The following SGPP1 variants were observed in gnomAD, a reference collection of about 807,000 sequenced individuals.
SGPP1 encodes sphingosine-1-phosphate phosphatase 1.
A neutral mutation model predicts 33.0 loss-of-function variants in SGPP1; 21 were observed. That is an observed-to-expected ratio of 0.64 (90% CI 0.45 to 0.92). The LOEUF is 0.92. Ranked by LOEUF, SGPP1 falls within the 40% of genes least tolerant of loss-of-function variation. The pLI is 0.00. For missense variants in SGPP1, 543 were observed against 589.4 expected (o/e 0.92, Z 0.81); for synonymous variants, 239 against 241.2 (o/e 0.99, Z 0.08).
At chr14:63,714,712 T>C (rs906765040) in intron 1 of SGPP1, among the ~76,000 whole-genome samples, 1 of 150,650 alleles carries the variant, frequency 6.6e-6, no homozygotes, top group Non-Finnish European at 1.5e-5. Context: ...TGTGCCACCA[T>C]GCCCAGCCTT....
chr14:63,691,975 GAAGA>G (rs1566817316), intron 2 of SGPP1, among the ~76,000 whole-genome samples: 2 of 151,774 alleles, frequency 1.3e-5, no homozygotes, highest in Non-Finnish European at 2.9e-5. Context: ...AAGAAGAAAG[GAAGA>G]AAGAAAAAGA....
chr14:63,686,352 G>A lies in SGPP1; in HGVS notation c.1079C>T (p.Thr360Ile). The A allele has an allele frequency of 6.2e-7, 1 of 1,614,048 alleles. No individual in the cohort carries two copies. Among genetic ancestry groups the A allele is most frequent in the East Asian group, 2.2e-5 (1 of 44,880 alleles). Residue 360 changes from threonine (T) to isoleucine (I), a missense_variant, in exon 3 of 3, where the codon ACT (threonine) becomes ATT (isoleucine). Physicochemically the swap from Thr to Ile is moderately conservative, Grantham distance 89 (BLOSUM62 -1). Coordinates refer to ENST00000247225, the MANE Select transcript of SGPP1 (RefSeq NM_030791.4). ...LPLAGPPITV[T>I]LFGKAILRIL... is the part of the protein sequence containing the mutation. Reference sequence around the variant, plus strand: ...CCGCAATATGGCTTTTCCAAACAGAGTCACAGTAATGGGGGGCCCAGCTAA... The same window carrying A: ...CCGCAATATGGCTTTTCCAAACAGAATCACAGTAATGGGGGGCCCAGCTAA...
At chr14:63,696,991 G>GA (rs937327953) in intron 2 of SGPP1, among the ~76,000 whole-genome samples, 5 of 151,602 alleles carry the variant, frequency 3.3e-5, no homozygotes, top group East Asian at 3.9e-4. Flanking sequence ...GTCTCAAAAA[G>GA]AAAAAAAAGT....
chr14:63,703,230 A>G (rs12878808), intron 1 of SGPP1, among the ~76,000 whole-genome samples: 1 of 152,164 alleles, frequency 6.6e-6, no homozygotes, highest in Non-Finnish European at 1.5e-5. Context: ...CCCTAAAATG[A>G]AAGTAAGAAA....
At position 63,698,748 on chromosome 14, in the gene SGPP1, A is replaced by C; in HGVS notation, c.685-90T>G. 2 of 645,490 alleles carry C rather than the reference A, an allele frequency of 3.1e-6. 1 individual carries two copies. The highest frequency in any genetic ancestry group is 7.1e-5 in the South Asian group (2 of 28,364). The allele number at this position is 645,490 out of a possible 1,614,324, so 40.0% of individuals were successfully genotyped here. The stretch of plus-strand genomic sequence containing the variant: ...AGACAAATCAAATCACTATTCTATA[A>C]AGTCCACTAAAACAAGAAATTTGTT... On this transcript the variant is annotated intron_variant, in intron 1 of 2. Transcript: ENST00000247225.
chr14:63,722,907 G>C (rs933534270), intron 1 of SGPP1, among the ~76,000 whole-genome samples: 1 of 151,450 alleles, frequency 6.6e-6, no homozygotes, highest in Non-Finnish European at 1.5e-5. Context: ...GGGAGGTCGA[G>C]GCTGCAGTGA....
rs200531351 is a variant in SGPP1, at chr14:63,727,835, G to A, written c.110C>T (p.Ala37Val). ...CGVEAPPRRS[A>V]DRREDEKAEA... Reference sequence around the variant, plus strand: ...CGCTTTCTCATCCTCCCTCCGGTCTGCTGAGCGGCGCGGCGGCGCTTCCAC... The same window carrying A: ...CGCTTTCTCATCCTCCCTCCGGTCTACTGAGCGGCGCGGCGGCGCTTCCAC... The change falls in exon 1 of 3, where the codon GCA becomes GTA. Residue 37 changes from alanine to valine, a missense_variant. Transcript: ENST00000247225. The A allele has an allele frequency of 6.6e-7, 1 of 1,512,146 alleles. No individual in the cohort carries two copies. The highest frequency in any genetic ancestry group is 1.4e-5 in the African/African-American group (1 of 69,894). The allele number at this position is 1,512,146 out of a possible 1,614,324, so 93.7% of individuals were successfully genotyped here. A position where few individuals can be genotyped will look rare whatever the true frequency, so the allele number is the denominator to read the frequency against.
At chr14:63,710,985 A>T (rs1049997607) in intron 1 of SGPP1, among the ~76,000 whole-genome samples, 16 of 152,190 alleles carry the variant, frequency 1.1e-4, no homozygotes, top group African/African-American at 3.6e-4. Flanking sequence ...GAATATTTTT[A>T]AAATTTCATT....
At chr14:63,701,539 T>A (rs1392464755) in intron 1 of SGPP1, among the ~76,000 whole-genome samples, 2 of 152,002 alleles carry the variant, frequency 1.3e-5, no homozygotes, top group African/African-American at 4.8e-5. Context: ...TAGCATATAC[T>A]AGGCAGGCGA....
chr14:63,691,795 C>T (rs1237897126), intron 2 of SGPP1, among the ~76,000 whole-genome samples: 1 of 152,054 alleles, frequency 6.6e-6, no homozygotes, highest in African/African-American at 2.4e-5. Context: ...TTACATACTG[C>T]ATATTTAGAC....
At position 63,698,665 on chromosome 14, in the gene SGPP1, G is replaced by A; in HGVS notation, c.685-7C>T. 6.7e-7 allele frequency: 1 copy of A among 1,486,942 alleles called. No homozygotes were observed. Among genetic ancestry groups the A allele is most frequent in the East Asian group, 2.3e-5 (1 of 43,078 alleles). 92.1% of individuals were successfully genotyped at this position (1,486,942 alleles called of 1,614,324 possible). On this transcript the variant is annotated splice_region_variant and splice_polypyrimidine_tract_variant and intron_variant, in intron 1 of 2. Transcript: ENST00000247225. Reference sequence around the variant, plus strand: ...GTCCATATATAAGAGGGTACTAAAGGGGAAAAAAAGTAAAATTAGTTAAAC... The same window carrying A: ...GTCCATATATAAGAGGGTACTAAAGAGGAAAAAAAGTAAAATTAGTTAAAC...
At chr14:63,710,441 T>C (rs1295726463) in intron 1 of SGPP1, among the ~76,000 whole-genome samples, 1 of 152,202 alleles carries the variant, frequency 6.6e-6, no homozygotes, top group Non-Finnish European at 1.5e-5. Flanking sequence ...TCATGCATTA[T>C]ATTGGAACTC....
At position 63,715,451 on chromosome 14, in the gene SGPP1, T is replaced by C. The variant is rs138804212; in HGVS notation, c.684+11810A>G. On this transcript the variant is annotated intron_variant, in intron 1 of 2. Transcript: ENST00000247225. Reference sequence around the variant, plus strand: ...TTGTTTAAAGTGACTTATGAAGCATTCTGTTGTGTGTTTGTATGTTGTTCG... The same window carrying C: ...TTGTTTAAAGTGACTTATGAAGCATCCTGTTGTGTGTTTGTATGTTGTTCG... Among the ~76,000 whole-genome samples, 658 of 152,300 alleles carry C rather than the reference T, an allele frequency of 4.3e-3. 6 individuals are homozygous for C. The highest frequency in any genetic ancestry group is 0.015 in the African/African-American group (607 of 41,554).
At position 63,727,640 on chromosome 14, in the gene SGPP1, G is replaced by C. The variant is rs1432111212; in HGVS notation, c.305C>G (p.Pro102Arg). The change falls in exon 1 of 3, where the codon CCG (proline) becomes CGG (arginine). Residue 102 changes from proline to arginine, a missense_variant. Pro to Arg is a moderately radical substitution (Grantham distance 103). Transcript: ENST00000247225. ...GLAAELGPAS[P>R]RRAGALRRNS... Reference sequence around the variant, plus strand: ...GCGGCGCAGAGCGCCCGCGCGCCGCGGCGAGGCCGGGCCCAGCTCGGCCGC... The same window carrying C: ...GCGGCGCAGAGCGCCCGCGCGCCGCCGCGAGGCCGGGCCCAGCTCGGCCGC... 1.5e-6 allele frequency: 2 copies of C among 1,377,482 alleles called. No individual in the cohort carries two copies. The highest frequency in any genetic ancestry group is 7.3e-5 in the Admixed American group (2 of 27,290). 85.3% of individuals were successfully genotyped at this position (1,377,482 alleles called of 1,614,324 possible).
chr14:63,727,387 G>A lies in SGPP1; in HGVS notation c.558C>T (p.Pro186=), dbSNP rs200260508. 6.2e-6 allele frequency: 10 copies of A among 1,613,902 alleles called. No homozygotes were observed. Among genetic ancestry groups the A allele is most frequent in the Non-Finnish European group, 8.5e-6 (10 of 1,179,972 alleles). Residue 186 remains proline (P), a synonymous_variant, in exon 1 of 3, where the codon CCC becomes CCT. Transcript: ENST00000247225. Reference sequence around the variant, plus strand: ...CCAACTTGACCACGGGCGGCGAGGCGGGCCTCGGCCAGCGGATGATGTCCT... The same window carrying A: ...CCAACTTGACCACGGGCGGCGAGGCAGGCCTCGGCCAGCGGATGATGTCCT... The part of the protein sequence containing the change: ...CTKDIIRWPR[P]ASPPVVKLEV...
chr14:63,727,982 C>G lies in SGPP1; in HGVS notation c.-38G>C. 1 of 1,519,574 alleles carries G rather than the reference C, an allele frequency of 6.6e-7. No individual in the cohort carries two copies. Among genetic ancestry groups the G allele is most frequent in the Non-Finnish European group, 8.8e-7 (1 of 1,142,046 alleles). The allele number at this position is 1,519,574 out of a possible 1,614,324, so 94.1% of individuals were successfully genotyped here. A position where few individuals can be genotyped will look rare whatever the true frequency, so the allele number is the denominator to read the frequency against. ...CCCGGGAAGGCGGGCCGGCCTCCGG[C>G]GCAGCCCCGAACTGTCCCCGCGCTC... On this transcript the variant is annotated 5_prime_UTR_variant, in exon 1 of 3. Coordinates refer to ENST00000247225, the MANE Select transcript of SGPP1 (RefSeq NM_030791.4).
At chr14:63,715,171 G>A (rs571517440) in intron 1 of SGPP1, among the ~76,000 whole-genome samples, 13 of 151,460 alleles carry the variant, frequency 8.6e-5, no homozygotes, top group East Asian at 3.9e-4. Context: ...CTGCCACCAC[G>A]CCCAGCTAAT....
chr14:63,696,574 T>C (rs1004996103), intron 2 of SGPP1, among the ~76,000 whole-genome samples: 4 of 152,246 alleles, frequency 2.6e-5, no homozygotes, highest in African/African-American at 9.6e-5. Flanking sequence ...AAAAATATGA[T>C]ACTTAATCTG....
At position 63,686,578 on chromosome 14, in the gene SGPP1, T is replaced by C; in HGVS notation, c.853A>G (p.Asn285Asp). The change falls in exon 3 of 3, where the codon AAC becomes GAC. Residue 285 changes from asparagine (N) to aspartate (D), a missense_variant. Coordinates refer to ENST00000247225, the MANE Select transcript of SGPP1 (RefSeq NM_030791.4). The part of the protein sequence containing the change: ...YPFVDLIDNF[N>D]QTHKYAPFII... ...AATGGAGCATATTTGTGAGTTTGGT[T>C]GAAGTTGTCAATCAGGTCCACAAAT... 3.7e-6 allele frequency: 6 copies of C among 1,614,004 alleles called. No homozygotes were observed. Among genetic ancestry groups the C allele is most frequent in the Non-Finnish European group, 5.1e-6 (6 of 1,179,944 alleles).
Sources: allele counts gnomAD v4.1 joint callset (sites outside exome capture counted in the v4.1 genomes callset), GRCh38; gene constraint gnomAD v4.1.1; transcripts MANE v1.5; gene names NCBI Gene and HGNC (gene_info 2026-07-23, HGNC 2026-07-21).